Variants in SLC15A5 observed in about 807,000 individuals in gnomAD.
The protein encoded by SLC15A5 is Peptide/histidine transporter ENSP00000340402.
SLC15A5 carries 58 observed loss-of-function variants against 56.1 expected under a neutral mutation model. That is an observed-to-expected ratio of 1.03 (90% CI 0.84 to 1.29). The LOEUF (loss-of-function observed/expected upper bound fraction) is 1.29. Ranked by LOEUF, SLC15A5 falls within the 50% of genes most tolerant of loss-of-function variation. The pLI is 0.00. For missense variants in SLC15A5, 681 were observed against 672.1 expected, an observed-to-expected ratio of 1.01 and a Z score of -0.15; for synonymous variants, 264 against 250.5, an observed-to-expected ratio of 1.05 and a Z score of -0.51.
Position 16,198,441 on chromosome 12 carries a change from C to A in SLC15A5, c.1484-3988G>T, listed in dbSNP as rs4335597. On this transcript the variant is annotated intron_variant, in intron 7 of 8. Transcript: ENST00000344941. ...AGGATTGTAGAATCATCTAGACTCACTCTTTATTTTATATATTAATGAGTG... is the reference window on the plus strand; with the variant it reads ...AGGATTGTAGAATCATCTAGACTCAATCTTTATTTTATATATTAATGAGTG... Among the ~76,000 whole-genome samples, 3 of 151,800 alleles carry A rather than the reference C, an allele frequency of 2.0e-5. No individual in the cohort carries two copies. The East Asian group carries it at 5.8e-4, about 29-fold the overall frequency.
intron 5 of SLC15A5, among the ~76,000 whole-genome samples, chr12:16,230,644 T>G (rs1864286867): frequency 1.3e-5 from 2 of 151,834 alleles, no homozygotes; most frequent in African/African-American, 4.8e-5. Context: ...CCGGGCGCGG[T>G]GGCTCACGCC....
chr12:16,248,029 T>C (rs1403574564), intron 3 of SLC15A5, among the ~76,000 whole-genome samples: 1 of 152,066 alleles, frequency 6.6e-6, no homozygotes, highest in African/African-American at 2.4e-5. Context: ...AGTAAAATTT[T>C]CTGATGTGGG....
Position 16,194,646 on chromosome 12 carries a change from A to G in SLC15A5, c.1484-193T>C, listed in dbSNP as rs114193159. On this transcript the variant is annotated intron_variant, in intron 7 of 8. Coordinates refer to ENST00000344941, the MANE Select transcript of SLC15A5 (RefSeq NM_001170798.1). ...GTAAAATGATAAGCAAAGCACCCCA[A>G]ATATTTTGAAGGTCACAAAACACTC... Among the ~76,000 whole-genome samples the G allele has an allele frequency of 4.5e-3, 679 of 152,178 alleles. 3 individuals are homozygous for G. Among genetic ancestry groups the G allele is most frequent in the African/African-American group, 0.016 (658 of 41,560 alleles).
At chr12:16,254,430 A>G (rs1864549034) in intron 3 of SLC15A5, among the ~76,000 whole-genome samples, 2 of 152,152 alleles carry the variant, frequency 1.3e-5, no homozygotes, top group Non-Finnish European at 2.9e-5. Context: ...TATACTTAAC[A>G]CTACTGAACT....
chr12:16,263,842 C>T (rs1424584275), intron 2 of SLC15A5, among the ~76,000 whole-genome samples: 1 of 152,158 alleles, frequency 6.6e-6, no homozygotes, highest in East Asian at 1.9e-4. Context: ...TGTGGGTGCA[C>T]AGAGGTCAAG....
At position 16,269,077 on chromosome 12, in the gene SLC15A5, A is replaced by C. The variant is rs1864723253; in HGVS notation, c.584+3484T>G. Among the ~76,000 whole-genome samples, 1 of 152,080 alleles carries C rather than the reference A, an allele frequency of 6.6e-6. No homozygotes were observed. Among genetic ancestry groups the C allele is most frequent in the Non-Finnish European group, 1.5e-5 (1 of 68,032 alleles). On this transcript the variant is annotated intron_variant, in intron 2 of 8. Transcript: ENST00000344941. This position sits in a 1 kb window ranked among gnomAD's most constrained non-coding sequence, Gnocchi z 4.7. ...TCTTACAGCCAGGAAGAGAACCCTC[A>C]CCAGAACCCTGATCTCAGAATTCTG... is the stretch of plus-strand genomic sequence containing the variant.
intron 6 of SLC15A5, among the ~76,000 whole-genome samples, chr12:16,223,028 TA>T (rs200325574): frequency 0.01 from 1,574 of 152,210 alleles, 69 homozygotes; most frequent in Admixed American, 0.076. Flanking sequence ...TATACAATTA[TA>T]AAAAAAGAAG....
intron 3 of SLC15A5, among the ~76,000 whole-genome samples, chr12:16,256,300 C>T (rs1864571083): frequency 5.9e-5 from 9 of 152,128 alleles, no homozygotes. Flanking sequence ...AATATGATCA[C>T]CTTGCAATCC....
chr12:16,251,098 A>G (rs191628778), intron 3 of SLC15A5, among the ~76,000 whole-genome samples: 1 of 152,152 alleles, frequency 6.6e-6, no homozygotes, highest in African/African-American at 2.4e-5. Flanking sequence ...AAATTGGACA[A>G]AGAAGAAATC....
Position 16,237,173 on chromosome 12 carries a change from T to C in SLC15A5, c.1162+2508A>G, listed in dbSNP as rs1864360139. Among the ~76,000 whole-genome samples the C allele has an allele frequency of 6.6e-6, 1 of 152,184 alleles. No homozygotes were observed. Among genetic ancestry groups the C allele is most frequent in the South Asian group, 2.1e-4 (1 of 4,836 alleles). The stretch of plus-strand genomic sequence containing the variant: ...TATTAGACTAATTCAGTTATGTAAA[T>C]TAGTATCAAAAAGTACCCCAGGTTG... On this transcript the variant is annotated intron_variant, in intron 5 of 8. Transcript: ENST00000344941. The surrounding 1 kb of genome is among the most constrained non-coding windows in gnomAD (Gnocchi z 4.1).
chr12:16,189,954 A>G (rs3915243), intron 8 of SLC15A5, 139 bp from the exon 9 acceptor site: 295,621 of 600,458 alleles, frequency 0.49, 75,628 homozygotes, highest in South Asian at 0.71. Flanking sequence ...ATTTAAGAGC[A>G]CTGCTCACCA....
At chr12:16,223,801 C>T (rs1005089742) in intron 6 of SLC15A5, among the ~76,000 whole-genome samples, 10 of 149,352 alleles carry the variant, frequency 6.7e-5, no homozygotes, top group Non-Finnish European at 7.4e-5. Flanking sequence ...CTGCAACCTC[C>T]GCCTCCCGGG....
chr12:16,222,769 C>G (rs1864200586), intron 6 of SLC15A5, among the ~76,000 whole-genome samples: 1 of 152,196 alleles, frequency 6.6e-6, no homozygotes, highest in Non-Finnish European at 1.5e-5. Context: ...TATTGCTAAG[C>G]TGGCTAGCAA....
intron 2 of SLC15A5, among the ~76,000 whole-genome samples, chr12:16,264,024 G>A (rs1271771638): frequency 6.6e-6 from 1 of 152,170 alleles, no homozygotes; most frequent in Non-Finnish European, 1.5e-5. Flanking sequence ...ATGGGGCATT[G>A]CCTACTGGAG....
chr12:16,246,062 C>T (rs1224099321), intron 3 of SLC15A5, among the ~76,000 whole-genome samples: 1 of 152,136 alleles, frequency 6.6e-6, no homozygotes, highest in Non-Finnish European at 1.5e-5. Context: ...TGAATCAAAT[C>T]CAGCCCAAAT....
intron 8 of SLC15A5, among the ~76,000 whole-genome samples, chr12:16,192,570 A>G (rs1276855979): frequency 2.0e-5 from 3 of 152,052 alleles, no homozygotes; most frequent in African/African-American, 7.2e-5. Context: ...TGTTAGCTCC[A>G]TGTAGACTAC....
chr12:16,259,024 CTTTTTTTTTTTTTT>C (rs5796661), intron 2 of SLC15A5, among the ~76,000 whole-genome samples: 2 of 63,218 alleles, frequency 3.2e-5, no homozygotes, highest in Non-Finnish European at 5.5e-5. Flanking sequence ...TCTTTCTTTC[CTTTTTTTTTTTTTT>C]TTTTTTTTTT....
intron 2 of SLC15A5, among the ~76,000 whole-genome samples, chr12:16,268,615 AATT>A: frequency 6.6e-6 from 1 of 152,202 alleles, no homozygotes; most frequent in Middle Eastern, 3.4e-3. Flanking sequence ...CTCTTTTCAG[AATT>A]ATGTTGAATT....
In SLC15A5 at chr12:16,277,427, T is replaced by A. The variant is rs1398347659; in HGVS notation, c.259A>T (p.Ile87Phe). Residue 87 changes from isoleucine to phenylalanine, a missense_variant, in exon 1 of 9, where the codon ATT becomes TTT. Physicochemically the swap from Ile to Phe is conservative, Grantham distance 21. Transcript: ENST00000344941. Reference sequence around the variant, plus strand: ...ACAGGGGTAAGTATTGAAGTTCCAATAAAACACAAGTTTAAGATGGCTGCT... The same window carrying A: ...ACAGGGGTAAGTATTGAAGTTCCAAAAAAACACAAGTTTAAGATGGCTGCT... ...CQAAILNLCFIGTSILTPVFV... is the reference protein window; with the variant it reads ...CQAAILNLCFFGTSILTPVFV... The A allele has an allele frequency of 5.2e-6, 8 of 1,536,426 alleles. No individual in the cohort carries two copies. The highest frequency in any genetic ancestry group is 7.0e-6 in the Non-Finnish European group (8 of 1,146,446).
Sources: gnomAD v4.1 joint callset for allele counts (sites outside exome capture counted in the v4.1 genomes callset) on GRCh38, gnomAD v4.1.1 for gene constraint, Gnocchi (gnomAD v3.1) non-coding constraint, MANE v1.5 for transcripts, NCBI Gene and HGNC (gene_info 2026-07-23, HGNC 2026-07-21) for gene names.